The following TMEM232 variants were observed in gnomAD, a reference collection of about 807,000 sequenced individuals.
TMEM232 encodes transmembrane protein 232.
TMEM232 carries 80 observed loss-of-function variants against 78.8 expected under a neutral mutation model. The observed-to-expected ratio is 1.01, with a 90% CI of 0.85 to 1.22. The LOEUF (loss-of-function observed/expected upper bound fraction) is 1.22. Ranked by LOEUF, TMEM232 falls within the 50% of genes most tolerant of loss-of-function variation. TMEM232 has a pLI of 0.00. For synonymous variants in TMEM232, 297 were observed against 254.3 expected, an observed-to-expected ratio of 1.17 and a Z score of -1.60; for missense variants, 881 against 742.2, an observed-to-expected ratio of 1.19 and a Z score of -2.17.
At chr5:110,561,904 A>G (rs1354255754) in intron 11 of TMEM232, among the ~76,000 whole-genome samples, 2 of 152,146 alleles carry the variant, frequency 1.3e-5, no homozygotes, top group Non-Finnish European at 2.9e-5. Context: ...GAAGACCCCA[A>G]TGTGTAAATA....
Position 110,551,379 on chromosome 5 carries a change from C to T in TMEM232, c.1455+17068G>A, listed in dbSNP as rs376357464. 9.2e-5 allele frequency among the ~76,000 whole-genome samples: 14 copies of T among 152,072 alleles called. No individual in the cohort carries two copies. The East Asian group carries it at 1.5e-3, about 17-fold the overall frequency. ...ATGGGATTACAGGCACTTGCCACCG[C>T]GCCTGGCTAATTTTTTCTTTTTTTT... On this transcript the variant is annotated intron_variant, in intron 11 of 13. Transcript: ENST00000455884.
intron 12 of TMEM232, among the ~76,000 whole-genome samples, chr5:110,425,796 C>T (rs924473563): frequency 6.6e-6 from 1 of 152,078 alleles, no homozygotes; most frequent in Admixed American, 6.6e-5. Flanking sequence ...ATCCATCATT[C>T]CTTACCCACT....
intron 11 of TMEM232, among the ~76,000 whole-genome samples, chr5:110,542,141 G>A (rs546900990): frequency 3.3e-5 from 5 of 152,222 alleles, no homozygotes; most frequent in Non-Finnish European, 5.9e-5. Flanking sequence ...TGAAAGACCC[G>A]AAGTTCCTGT....
chr5:110,393,166 A>G (rs900193125), intron 3 of TMEM232, among the ~76,000 whole-genome samples: 2 of 152,180 alleles, frequency 1.3e-5, no homozygotes, highest in Admixed American at 6.5e-5. Flanking sequence ...AGAAATGTCA[A>G]TTAGGTGAAG....
intron 1 of TMEM232, among the ~76,000 whole-genome samples, chr5:110,718,611 C>A (rs1430219165): frequency 6.6e-6 from 1 of 152,020 alleles, no homozygotes; most frequent in African/African-American, 2.4e-5. Context: ...GTTCACTGAG[C>A]TTCTTAGGTG....
At chr5:110,684,223 A>G (rs1177458974) in intron 1 of TMEM232, among the ~76,000 whole-genome samples, 3 of 152,026 alleles carry the variant, frequency 2.0e-5, no homozygotes, top group Non-Finnish European at 4.4e-5. Flanking sequence ...AATAACCTTA[A>G]AAAGAAAAAG....
chr5:110,540,945 T>C (rs1773027507), intron 11 of TMEM232, among the ~76,000 whole-genome samples: 1 of 152,300 alleles, frequency 6.6e-6, no homozygotes, highest in South Asian at 2.1e-4. Context: ...TAATTCATTG[T>C]AGGGGACTTA....
chr5:110,632,168 G>C (rs561686826), intron 5 of TMEM232, among the ~76,000 whole-genome samples: 2 of 151,974 alleles, frequency 1.3e-5, no homozygotes, highest in South Asian at 4.2e-4. Context: ...ATCATACAGG[G>C]ACTGCACTAT....
At chr5:110,604,687 A>G (rs1781332281) in intron 10 of TMEM232, among the ~76,000 whole-genome samples, 1 of 152,130 alleles carries the variant, frequency 6.6e-6, no homozygotes, top group African/African-American at 2.4e-5. Flanking sequence ...GGCTGGGCGC[A>G]GTGGTTCACG....
rs150198197 is a variant in TMEM232, at chr5:110,595,417, G to A, written c.1276+9692C>T. ...CAACAAGGGCACAAAACCGTATGAA[G>A]AAAGAGTTTGATGAGTTGACAGAAG... On this transcript the variant is annotated intron_variant, in intron 10 of 13. Coordinates refer to ENST00000455884, the MANE Select transcript of TMEM232 (RefSeq NM_001039763.4). 6.4e-3 allele frequency among the ~76,000 whole-genome samples: 978 copies of A among 152,278 alleles called. 26 individuals carry two copies. Among genetic ancestry groups the A allele is most frequent in the Admixed American group, 0.035 (535 of 15,288 alleles).
At chr5:110,611,847 C>G (rs1782323616) in intron 8 of TMEM232, among the ~76,000 whole-genome samples, 1 of 152,052 alleles carries the variant, frequency 6.6e-6, no homozygotes, top group African/African-American at 2.4e-5. Flanking sequence ...AAGGTTATGA[C>G]ATTGGGAACA....
chr5:110,704,419 G>A (rs1795722932), intron 1 of TMEM232, among the ~76,000 whole-genome samples: 1 of 152,068 alleles, frequency 6.6e-6, no homozygotes, highest in Non-Finnish European at 1.5e-5. Flanking sequence ...AGCCCTTCAA[G>A]GATGGAAAGT....
In TMEM232 at chr5:110,476,771, T is replaced by C. The variant is rs145957687; in HGVS notation, c.1703+51817A>G. 2.8e-3 allele frequency among the ~76,000 whole-genome samples: 422 copies of C among 152,172 alleles called. 3 individuals carry two copies. The highest frequency in any genetic ancestry group is 9.3e-3 in the African/African-American group (387 of 41,568). Reference sequence around the variant, plus strand: ...GCACGTTTGGACATTCTAATGTTTTTATGAATGGTGGGAGGAATGTGTGTG... The same window carrying C: ...GCACGTTTGGACATTCTAATGTTTTCATGAATGGTGGGAGGAATGTGTGTG... On this transcript the variant is annotated intron_variant, in intron 12 of 13. Transcript: ENST00000455884.
chr5:110,392,641 ATCT>A (rs1477717697), intron 3 of TMEM232, among the ~76,000 whole-genome samples: 2 of 152,130 alleles, frequency 1.3e-5, no homozygotes, highest in Non-Finnish European at 2.9e-5. Flanking sequence ...GACTCTCTTA[ATCT>A]TCTTATAAGG....
intron 11 of TMEM232, among the ~76,000 whole-genome samples, chr5:110,533,541 C>G (rs536392990): frequency 6.6e-6 from 1 of 152,220 alleles, no homozygotes. Flanking sequence ...CTATGCTCAA[C>G]TCACTCTACA....
chr5:110,426,267 A>C (rs755151350), intron 12 of TMEM232, among the ~76,000 whole-genome samples: 2 of 151,980 alleles, frequency 1.3e-5, no homozygotes, highest in African/African-American at 4.8e-5. Context: ...TTTTACATTT[A>C]TCATGTCCCT....
At chr5:110,626,574 C>T (rs1320904872) in intron 6 of TMEM232, among the ~76,000 whole-genome samples, 1 of 151,998 alleles carries the variant, frequency 6.6e-6, no homozygotes, top group African/African-American at 2.4e-5. Context: ...AATATTTTGA[C>T]TTTATTTTAT....
chr5:110,640,848 T>C (rs558565919), intron 4 of TMEM232, 43 bp downstream of exon 4: 35 of 1,359,870 alleles, frequency 2.6e-5, no homozygotes, highest in South Asian at 5.6e-5. Flanking sequence ...ACTGATGATA[T>C]AGAAAATACT....
chr5:110,474,328 ACTT>A (rs1763009160), intron 12 of TMEM232, among the ~76,000 whole-genome samples: 1 of 151,942 alleles, frequency 6.6e-6, no homozygotes, highest in South Asian at 2.1e-4. Context: ...GCTAGAAGTT[ACTT>A]CTTAACCTGG....
Sources: allele counts gnomAD v4.1 joint callset (sites outside exome capture counted in the v4.1 genomes callset), GRCh38; gene constraint gnomAD v4.1.1; transcripts MANE v1.5; gene names NCBI Gene and HGNC (gene_info 2026-07-23, HGNC 2026-07-21).